AP1S2: variants seen among roughly 807,000 people sequenced by gnomAD.
AP1S2 encodes adaptor related protein complex 1 subunit sigma 2, also known as AP-1 complex subunit sigma-2.
Under a neutral mutation model 14.3 loss-of-function variants are expected in AP1S2, and 1 was observed. The ratio of observed to expected loss-of-function variants is 0.07; its 90% CI spans 0.02 to 0.33. The LOEUF (loss-of-function observed/expected upper bound fraction) is 0.33, where lower values mean the gene tolerates loss of function less well. AP1S2 is among the 10% of genes least tolerant of loss of function. The pLI, the probability that AP1S2 is intolerant of heterozygous loss-of-function variation, is 0.99. For synonymous variants in AP1S2, 30 were observed against 40.5 expected (o/e 0.74, Z 0.99); for missense variants, 30 against 117.7 (o/e 0.25, Z 3.45).
At chrX:15,849,771 C>G (rs186170117) in intron 2 of AP1S2, among the ~76,000 whole-genome samples, 1 of 109,493 alleles carries the variant, frequency 9.1e-6, no homozygotes, top group Admixed American at 9.8e-5. Context: ...GGGACTCCTT[C>G]CCCTATCTAG....
At chrX:15,832,136 T>A in intron 4 of AP1S2, 3 of 750,362 alleles carry the variant, frequency 4.0e-6, no homozygotes, top group Non-Finnish European at 4.7e-6. Flanking sequence ...TCAAGACAGA[T>A]TTTAACGAAC....
chrX:15,834,439 A>AAAATATATATATATATATATAT, intron 4 of AP1S2, among the ~76,000 whole-genome samples: 1 of 25,128 alleles, frequency 4.0e-5, no homozygotes, highest in East Asian at 1.5e-3. Flanking sequence ...TCCCTTCCAA[A>AAAATATATATATATATATATAT]ATATATATAT....
chrX:15,826,886 CT>C lies in AP1S2; in HGVS notation c.*438del, dbSNP rs35656473. 10,537 of 97,298 alleles carry C rather than the reference CT, an allele frequency of 0.11. 495 individuals carry two copies. Among genetic ancestry groups the C allele is most frequent in the East Asian group, 0.32 (1,008 of 3,114 alleles). 8.0% of individuals were successfully genotyped at this position (97,298 alleles called of 1,213,427 possible). A position where few individuals can be genotyped will look rare whatever the true frequency, so the allele number is the denominator to read the frequency against. ...ATTTGATATGTGACATGTCAATTCC[CT>C]TTTTTTTTTTTTTTACATATGCTGA... On this transcript the variant is annotated 3_prime_UTR_variant, in exon 6 of 6. Coordinates refer to ENST00000672987, the MANE Select transcript of AP1S2 (RefSeq NM_001272071.2).
chrX:15,834,938 G>A (rs1302750821), intron 4 of AP1S2, among the ~76,000 whole-genome samples: 1 of 111,245 alleles, frequency 9.0e-6, no homozygotes, highest in Non-Finnish European at 1.9e-5. Flanking sequence ...GCAGAGAGAA[G>A]TCAAGTTACA....
rs1211352242 is a variant in AP1S2, at chrX:15,838,494, T to TA, written c.426+6884dup. ...CATTTTTCAGAAAGTATTTTTTAAT[T>TA]AAAAAAAAAATCACCACCGACACCA... On this transcript the variant is annotated intron_variant, in intron 4 of 5. Coordinates refer to ENST00000672987, the MANE Select transcript of AP1S2 (RefSeq NM_001272071.2). Among the ~76,000 whole-genome samples, 14 of 106,845 alleles carry TA rather than the reference T, an allele frequency of 1.3e-4. No homozygotes were observed. In the East Asian group the frequency reaches 1.7e-3, roughly 13 times the overall value. The allele number at this position is 106,845 out of a possible 115,157, so 92.8% of individuals were successfully genotyped here.
intron 1 of AP1S2, among the ~76,000 whole-genome samples, 178 bp downstream of exon 1, chrX:15,854,510 G>A (rs1408837495): frequency 8.9e-6 from 1 of 111,797 alleles, no homozygotes; most frequent in Non-Finnish European, 1.9e-5. Context: ...GCGGCGCGGA[G>A]TGGTGCGGAG....
intron 1 of AP1S2, among the ~76,000 whole-genome samples, chrX:15,854,281 C>T (rs1431855577): frequency 9.0e-6 from 1 of 111,621 alleles, no homozygotes; most frequent in Non-Finnish European, 1.9e-5. Flanking sequence ...CCCCCACTCC[C>T]GTGGCCACAC....
chrX:15,829,861 G>C (rs1353134868), intron 4 of AP1S2, among the ~76,000 whole-genome samples: 1 of 111,361 alleles, frequency 9.0e-6, no homozygotes, highest in Non-Finnish European at 1.9e-5. Context: ...AGATGAAAAA[G>C]TCCTGCAGAT....
chrX:15,852,992 C>T, intron 1 of AP1S2: 1 of 278,801 alleles, frequency 3.6e-6, no homozygotes, highest in Middle Eastern at 2.2e-3. Context: ...TACTTGCAGA[C>T]AGTAGCTTAT....
At chrX:15,846,175 CAG>C (rs756756184) in intron 2 of AP1S2, among the ~76,000 whole-genome samples, 164 bp from the exon 3 acceptor site, 7 of 111,979 alleles carry the variant, frequency 6.3e-5, no homozygotes, top group South Asian at 3.6e-4. Context: ...AAACGCATAA[CAG>C]AAATTTTGAA....
intron 2 of AP1S2, 137 bp downstream of exon 2, chrX:15,852,209 A>G: frequency 1.7e-6 from 1 of 587,158 alleles, no homozygotes; most frequent in African/African-American, 2.3e-5. Flanking sequence ...TTTTAAAAAC[A>G]CAAAGCTTTA....
intron 2 of AP1S2, among the ~76,000 whole-genome samples, chrX:15,851,407 C>T (rs1163417487): frequency 8.9e-6 from 1 of 112,152 alleles, no homozygotes; most frequent in African/African-American, 3.2e-5. Flanking sequence ...AACCAGACTT[C>T]TCTCCCACCC....
intron 4 of AP1S2, among the ~76,000 whole-genome samples, chrX:15,833,872 C>T (rs1933510480): frequency 9.0e-6 from 1 of 111,453 alleles, no homozygotes; most frequent in Non-Finnish European, 1.9e-5. Context: ...CAGGCCTAGG[C>T]CTACTATCTT....
At chrX:15,829,136 A>C (rs1933350044) in intron 4 of AP1S2, among the ~76,000 whole-genome samples, 1 of 111,034 alleles carries the variant, frequency 9.0e-6, no homozygotes, top group African/African-American at 3.3e-5. Flanking sequence ...TGTGTACACG[A>C]GGGTTCTTTA....
chrX:15,845,832 AT>A, intron 3 of AP1S2, 70 bp downstream of exon 3: 1 of 937,210 alleles, frequency 1.1e-6, no homozygotes, highest in Middle Eastern at 2.8e-4. Flanking sequence ...CAACCAAAAA[AT>A]AAACTTGTTA....
chrX:15,827,615 G>A (rs1465818875), intron 5 of AP1S2, among the ~76,000 whole-genome samples: 3 of 111,639 alleles, frequency 2.7e-5, no homozygotes, highest in East Asian at 2.8e-4. Flanking sequence ...GCTAGATGCC[G>A]TTGCTGTCAT....
In AP1S2 at chrX:15,827,202, G is replaced by A. The variant is rs1569076805; in HGVS notation, c.*123C>T. On this transcript the variant is annotated 3_prime_UTR_variant, in exon 6 of 6. Transcript: ENST00000672987. ...AAAATTGTGTAGGCATGAATGAAGC[G>A]GCTTAGCAAAACAGTAATACTGACA... 1.6e-5 allele frequency: 11 copies of A among 708,670 alleles called. No homozygotes were observed. The highest frequency in any genetic ancestry group is 1.1e-4 in the South Asian group (5 of 45,572). The allele number at this position is 708,670 out of a possible 1,213,427, so 58.4% of individuals were successfully genotyped here.
intron 4 of AP1S2, chrX:15,840,595 T>G (rs1933798869): frequency 1.0e-6 from 1 of 956,994 alleles, no homozygotes; most frequent in Non-Finnish European, 1.4e-6. Context: ...TCTGGCTCTA[T>G]AAAATTAAGG....
intron 4 of AP1S2, among the ~76,000 whole-genome samples, chrX:15,836,777 G>C (rs798179): frequency 0.47 from 51,057 of 109,678 alleles, 8,547 homozygotes; most frequent in East Asian, 0.63. Flanking sequence ...CCAGCTACTC[G>C]GGAGGCTGAG....
Sources: gnomAD v4.1 joint callset for allele counts (sites outside exome capture counted in the v4.1 genomes callset) on GRCh38, gnomAD v4.1.1 for gene constraint, MANE v1.5 for transcripts, NCBI Gene and HGNC (gene_info 2026-07-23, HGNC 2026-07-21) for gene names.